The following LDHC variants were observed in gnomAD, a reference collection of about 807,000 sequenced individuals.
LDHC encodes the protein L-lactate dehydrogenase C chain.
LDHC carries 20 observed loss-of-function variants against 30.2 expected under a neutral mutation model. The ratio of observed to expected loss-of-function variants is 0.66; its 90% CI spans 0.47 to 0.96. LDHC has a LOEUF of 0.96. LDHC is among the 40% of genes least tolerant of loss of function. The pLI, the probability that LDHC is intolerant of heterozygous loss-of-function variation, is 0.00. For missense variants in LDHC, 362 were observed against 394.9 expected (o/e 0.92, Z 0.71); for synonymous variants, 139 against 132.7 (o/e 1.05, Z -0.32).
At chr11:18,413,567 G>C (rs566756305) in intron 2 of LDHC, among the ~76,000 whole-genome samples, 1 of 148,094 alleles carries the variant, frequency 6.8e-6, no homozygotes, top group African/African-American at 2.5e-5. Context: ...GGTTCAAGCA[G>C]TTCTCCTGCC....
chr11:18,434,839 T>G lies in LDHC; in HGVS notation c.518T>G (p.Leu173Arg). Residue 173 changes from leucine (L) to arginine (R), a missense_variant, in exon 5 of 8, where the codon CTA becomes CGA. By Grantham distance (102) the Leu-to-Arg change is moderately radical. Transcript: ENST00000541669. ...CTAGACTCTGCCCGTTTCCGTTACC[T>G]AATTGGAGAAAAGTTGGGTGTCCAC... ...CNLDSARFRY[L>R]IGEKLGVHPT... The G allele has an allele frequency of 6.2e-7, 1 of 1,612,944 alleles. No homozygotes were observed. Among genetic ancestry groups the G allele is most frequent in the African/African-American group, 1.3e-5 (1 of 75,048 alleles).
In LDHC at chr11:18,428,674, A is replaced by G. The variant is rs144052063; in HGVS notation, c.245-1063A>G. On this transcript the variant is annotated intron_variant, in intron 3 of 7. Coordinates refer to ENST00000541669, the MANE Select transcript of LDHC (RefSeq NM_017448.5). ...TGGATCAGTTGAGGTCAGGAGTTCA[A>G]AACCAGCCTGGCCAACATGGTGAAA... Among the ~76,000 whole-genome samples, 1,197 of 152,146 alleles carry G rather than the reference A, an allele frequency of 7.9e-3. 19 individuals are homozygous for G. Among genetic ancestry groups the G allele is most frequent in the African/African-American group, 0.028 (1,160 of 41,502 alleles).
chr11:18,436,140 G>A (rs12293002), intron 5 of LDHC, among the ~76,000 whole-genome samples: 1 of 152,002 alleles, frequency 6.6e-6, no homozygotes, highest in Non-Finnish European at 1.5e-5. Flanking sequence ...TTCAGCCAGA[G>A]CCTTACTTTG....
Position 18,429,766 on chromosome 11 carries a change from G to A in LDHC, c.274G>A (p.Val92Ile), listed in dbSNP as rs1365070395. 1.2e-6 allele frequency: 2 copies of A among 1,610,878 alleles called. No individual in the cohort carries two copies. The highest frequency in any genetic ancestry group is 8.5e-7 in the Non-Finnish European group (1 of 1,177,876). ...DYSVSANSRI[V>I]IVTAGARQQE... ...CAGTGTATCTGCAAACTCCAGAATAGTTATTGTCACAGCAGGTGCAAGGCA... is the reference window on the plus strand; with the variant it reads ...CAGTGTATCTGCAAACTCCAGAATAATTATTGTCACAGCAGGTGCAAGGCA... The change falls in exon 4 of 8, where the codon GTT becomes ATT. Residue 92 changes from valine (V) to isoleucine (I), a missense_variant. By Grantham distance (29) the Val-to-Ile change is conservative. Transcript: ENST00000541669.
chr11:18,451,099 G>C lies in LDHC; in HGVS notation c.971G>C (p.Trp324Ser). 2 of 1,552,100 alleles carry C rather than the reference G, an allele frequency of 1.3e-6. No homozygotes were observed. The change falls in exon 8 of 8, where the codon TGG (tryptophan) becomes TCG (serine). Residue 324 changes from tryptophan to serine, a missense_variant. Transcript: ENST00000541669. Reference protein sequence around the residue: ...ALFKKSAETLWNIQKDLIF With the variant: ...ALFKKSAETLSNIQKDLIF ...TTCAAGAAGAGTGCAGAAACACTTT[G>C]GAATATTCAAAAGGATCTAATATTT... is the stretch of plus-strand genomic sequence containing the variant.
At chr11:18,421,395 C>T (rs897967759) in intron 3 of LDHC, among the ~76,000 whole-genome samples, 3 of 151,686 alleles carry the variant, frequency 2.0e-5, no homozygotes, top group Non-Finnish European at 4.4e-5. Context: ...AGGTGTAGGT[C>T]GGATGTGGTG....
chr11:18,434,380 C>G (rs568201663), intron 4 of LDHC, among the ~76,000 whole-genome samples: 1 of 151,988 alleles, frequency 6.6e-6, no homozygotes, highest in Non-Finnish European at 1.5e-5. Flanking sequence ...GGGGTGTTGA[C>G]GAGCCTTCTT....
chr11:18,441,126 T>TA (rs552473774), intron 6 of LDHC, among the ~76,000 whole-genome samples: 46 of 145,924 alleles, frequency 3.2e-4, no homozygotes, highest in African/African-American at 7.0e-4. Context: ...CCTCATCTCT[T>TA]AAAAAAAAAA....
intron 3 of LDHC, among the ~76,000 whole-genome samples, chr11:18,422,577 A>C (rs1848083690): frequency 6.6e-6 from 1 of 151,344 alleles, no homozygotes; most frequent in Admixed American, 6.6e-5. Flanking sequence ...AATCCATTGT[A>C]TTTCTGCATG....
chr11:18,415,535 G>A (rs1423350311), intron 3 of LDHC, among the ~76,000 whole-genome samples: 1 of 152,020 alleles, frequency 6.6e-6, no homozygotes, highest in Non-Finnish European at 1.5e-5. Context: ...AGCTTCAAGT[G>A]ATTCTCCTGC....
chr11:18,444,149 C>A (rs1353137756), intron 6 of LDHC, among the ~76,000 whole-genome samples: 3 of 152,124 alleles, frequency 2.0e-5, no homozygotes, highest in Non-Finnish European at 2.9e-5. Context: ...TCTTAAAGTA[C>A]CATCCTTGAA....
At chr11:18,444,122 A>G (rs546366915) in intron 6 of LDHC, among the ~76,000 whole-genome samples, 3 of 152,250 alleles carry the variant, frequency 2.0e-5, no homozygotes, top group South Asian at 2.1e-4. Flanking sequence ...TTGGTTTACA[A>G]TGTGTATCAG....
chr11:18,448,360 T>C (rs1022678134), intron 7 of LDHC, among the ~76,000 whole-genome samples: 2 of 152,182 alleles, frequency 1.3e-5, no homozygotes, highest in African/African-American at 4.8e-5. Context: ...CTCAGCTCAC[T>C]GCAACCTCTG....
At chr11:18,416,661 C>T (rs1025965193) in intron 3 of LDHC, among the ~76,000 whole-genome samples, 3 of 151,494 alleles carry the variant, frequency 2.0e-5, no homozygotes, top group South Asian at 4.2e-4. Flanking sequence ...TTTTGCAGTG[C>T]CTTCCCATCC....
chr11:18,441,901 G>A (rs914027086), intron 6 of LDHC, among the ~76,000 whole-genome samples: 2 of 151,994 alleles, frequency 1.3e-5, no homozygotes, highest in Non-Finnish European at 2.9e-5. Context: ...GGGAGACTCC[G>A]TCTAAAAACA....
chr11:18,421,995 A>C (rs1848068034), intron 3 of LDHC, among the ~76,000 whole-genome samples: 1 of 151,256 alleles, frequency 6.6e-6, no homozygotes, highest in Non-Finnish European at 1.5e-5. Flanking sequence ...GTGGTGGTGC[A>C]CACCTGTAGT....
intron 3 of LDHC, among the ~76,000 whole-genome samples, chr11:18,429,216 G>T (rs1590228452): frequency 6.8e-6 from 1 of 146,056 alleles, no homozygotes; most frequent in Non-Finnish European, 1.5e-5. Context: ...AGGTTCAAGC[G>T]ATTCTCCTGC....
chr11:18,444,603 G>GGTAT (rs1848518289), intron 6 of LDHC, among the ~76,000 whole-genome samples: 1 of 75,668 alleles, frequency 1.3e-5, no homozygotes, highest in East Asian at 3.7e-4. Context: ...GTGTTCAGGT[G>GGTAT]GTATATATAT....
At chr11:18,432,541 T>C (rs1286321254) in intron 4 of LDHC, among the ~76,000 whole-genome samples, 1 of 151,608 alleles carries the variant, frequency 6.6e-6, no homozygotes, top group African/African-American at 2.4e-5. Flanking sequence ...TGATGACCTG[T>C]CTATTGCTGT....
Sources: allele counts gnomAD v4.1 joint callset (sites outside exome capture counted in the v4.1 genomes callset), GRCh38; gene constraint gnomAD v4.1.1; transcripts MANE v1.5; gene names NCBI Gene and HGNC (gene_info 2026-07-23, HGNC 2026-07-21).